ADAM11: variants seen among roughly 807,000 people sequenced by gnomAD.
The protein encoded by ADAM11 is disintegrin and metalloproteinase domain-containing protein 11.
In ADAM11, 49 loss-of-function variants were observed where a neutral mutation model predicts 119.1. The observed-to-expected ratio is 0.41, with a 90% CI of 0.33 to 0.52. The LOEUF is 0.52. Among genes scored for constraint, ADAM11 ranks in the 20% least tolerant of loss-of-function variants. The pLI is 0.20. For missense variants in ADAM11, 777 were observed against 1,047.5 expected (o/e 0.74, Z 3.56); for synonymous variants, 364 against 408.0 (o/e 0.89, Z 1.30).
chr17:44,761,080 G>T (rs1373767726), intron 2 of ADAM11, among the ~76,000 whole-genome samples: 1 of 152,104 alleles, frequency 6.6e-6, no homozygotes, highest in African/African-American at 2.4e-5. Flanking sequence ...CTCCCTGGGA[G>T]GTGTGCAGTC....
intron 2 of ADAM11, 28 bp downstream of exon 2, chr17:44,759,925 G>C (rs1203479368): frequency 7.9e-7 from 1 of 1,265,016 alleles, no homozygotes; most frequent in African/African-American, 1.5e-5. Flanking sequence ...GTGAGGCCAG[G>C]GGCTGAAGCA....
chr17:44,780,011 C>T lies in ADAM11; in HGVS notation c.*257C>T, dbSNP rs1263587647. 12 of 701,144 alleles carry T rather than the reference C, an allele frequency of 1.7e-5. No homozygotes were observed. Among genetic ancestry groups the T allele is most frequent in the South Asian group, 9.0e-5 (6 of 66,838 alleles). 43.4% of individuals were successfully genotyped at this position (701,144 alleles called of 1,614,324 possible). The stretch of plus-strand genomic sequence containing the variant: ...GCTCAGCCTTGCACACCCACTGCCC[C>T]GTGTGAATGTAGCTTCCACCTCATG... On this transcript the variant is annotated 3_prime_UTR_variant, in exon 27 of 27. Coordinates refer to ENST00000200557, the MANE Select transcript of ADAM11 (RefSeq NM_002390.6).
chr17:44,772,436 A>G lies in ADAM11; in HGVS notation c.648A>G (p.Pro216=). The G allele has an allele frequency of 6.3e-7, 1 of 1,576,836 alleles. No homozygotes were observed. The highest frequency in any genetic ancestry group is 8.6e-7 in the Non-Finnish European group (1 of 1,160,840). ...LFAVPAQSAP[P]NRPRLRRKRQ... ...CTGTGCCTGCCCAGTCGGCTCCTCC[A>G]AACCGGCCGAGGCTGAGAAGGAAAA... Residue 216 remains proline, a synonymous_variant, in exon 8 of 27, where the codon CCA becomes CCG. Coordinates refer to ENST00000200557, the MANE Select transcript of ADAM11 (RefSeq NM_002390.6). The surrounding 1 kb of genome is among the most constrained non-coding windows in gnomAD (Gnocchi z 4.5).
At chr17:44,779,098 C>A in intron 25 of ADAM11, 124 bp from the exon 26 acceptor site, 1 of 1,285,362 alleles carries the variant, frequency 7.8e-7, no homozygotes. Context: ...AGTGTCCAGG[C>A]CCCGGGGACC....
rs1452133714 is a variant in ADAM11, at chr17:44,779,428, T to TGCCCTC, written c.2294+200_2294+205dup. The TGCCCTC allele has an allele frequency of 1.5e-4, 150 of 985,384 alleles. No homozygotes were observed. In the African/African-American group the frequency reaches 2.3e-3, roughly 15 times the overall value. The allele number at this position is 985,384 out of a possible 1,614,324, so 61.0% of individuals were successfully genotyped here. Reference sequence around the variant, plus strand: ...CTCGCTCAGGGAAGAAGGTCCCAGCTGCCCTCGCCCTCGCCCGCTCAGGCC... The same window carrying TGCCCTC: ...CTCGCTCAGGGAAGAAGGTCCCAGCTGCCCTCGCCCTCGCCCTCGCCCGCTCAGGCC... On this transcript the variant is annotated intron_variant, in intron 26 of 26. Transcript: ENST00000200557.
chr17:44,772,865 G>A lies in ADAM11; in HGVS notation c.687G>A (p.Arg229=). 2 of 1,613,750 alleles carry A rather than the reference G, an allele frequency of 1.2e-6. No homozygotes were observed. The highest frequency in any genetic ancestry group is 2.7e-5 in the African/African-American group (2 of 75,014). The change falls in exon 9 of 27, where the codon CGG becomes CGA. Residue 229 remains arginine (R), a synonymous_variant. Coordinates refer to ENST00000200557, the MANE Select transcript of ADAM11 (RefSeq NM_002390.6). The surrounding 1 kb of genome is among the most constrained non-coding windows in gnomAD (Gnocchi z 4.5). ...PRLRRKRQVR[R]GHPTVHSETK... ...GCCCACCCACCCCCCAGGTCCGCCG[G>A]GGCCACCCTACAGTGCACAGTGAAA...
Position 44,775,122 on chromosome 17 carries a change from G to A in ADAM11, c.1221-90G>A. The A allele has an allele frequency of 1.8e-6, 2 of 1,105,424 alleles. No individual in the cohort carries two copies. The highest frequency in any genetic ancestry group is 2.7e-6 in the Non-Finnish European group (2 of 740,670). 68.5% of individuals were successfully genotyped at this position (1,105,424 alleles called of 1,614,324 possible). ...TCCGCCTCCTCGCGATGGTGACGAA[G>A]TCCCCCAGTGTACCCCCTCCCCAGC... On this transcript the variant is annotated intron_variant, in intron 14 of 26. Coordinates refer to ENST00000200557, the MANE Select transcript of ADAM11 (RefSeq NM_002390.6). This position sits in a 1 kb window ranked among gnomAD's most constrained non-coding sequence, Gnocchi z 7.5.
chr17:44,779,134 C>T (rs1247255404), intron 25 of ADAM11, 88 bp from the exon 26 acceptor site: 9 of 1,518,716 alleles, frequency 5.9e-6, no homozygotes, highest in African/African-American at 1.4e-5. Context: ...GGCAAGGGGT[C>T]GCATGGCAGC....
intron 2 of ADAM11, among the ~76,000 whole-genome samples, chr17:44,766,628 G>A (rs1026691173): frequency 1.3e-5 from 2 of 152,176 alleles, no homozygotes; most frequent in Non-Finnish European, 2.9e-5. Context: ...CCATGACCCT[G>A]GGCCAGTCAC....
At position 44,778,227 on chromosome 17, in the gene ADAM11, C is replaced by T. The variant is rs762803709; in HGVS notation, c.2261C>T (p.Thr754Met). The T allele has an allele frequency of 4.3e-6, 7 of 1,612,974 alleles. No individual in the cohort carries two copies. Among genetic ancestry groups the T allele is most frequent in the Admixed American group, 1.7e-5 (1 of 59,844 alleles). Reference sequence around the variant, plus strand: ...GTTGCAGCCATCGTCCTGGGCGGCACGGGCTGGGGATTTAAGTAAGAGACA... The same window carrying T: ...GTTGCAGCCATCGTCCTGGGCGGCATGGGCTGGGGATTTAAGTAAGAGACA... ...VLVAAIVLGGTGWGFKNIRRG... is the reference protein window; with the variant it reads ...VLVAAIVLGGMGWGFKNIRRG... The change falls in exon 25 of 27, where the codon ACG becomes ATG. Residue 754 changes from threonine to methionine, a missense_variant. Physicochemically the swap from Thr to Met is moderately conservative, Grantham distance 81. Transcript: ENST00000200557.
In ADAM11 at chr17:44,775,365, C is replaced by T. The variant is rs772195845; in HGVS notation, c.1321-29C>T. 3 of 1,612,992 alleles carry T rather than the reference C, an allele frequency of 1.9e-6. No individual in the cohort carries two copies. ...AGCGGGCCCTGGGCGGGGTCCGGGC[C>T]AGACTCCCGACCTGTCCTCCCGGTC... is the stretch of plus-strand genomic sequence containing the variant. On this transcript the variant is annotated intron_variant, in intron 15 of 26. Transcript: ENST00000200557. The surrounding 1 kb of genome is among the most constrained non-coding windows in gnomAD (Gnocchi z 7.5).
At chr17:44,764,934 C>T (rs768098349) in intron 2 of ADAM11, among the ~76,000 whole-genome samples, 3 of 151,854 alleles carry the variant, frequency 2.0e-5, no homozygotes, top group Non-Finnish European at 4.4e-5. Context: ...TTGTCAGGCT[C>T]GGGGTGGGGT....
chr17:44,759,330 T>C, intron 1 of ADAM11, 70 bp downstream of exon 1: 1 of 1,327,622 alleles, frequency 7.5e-7, no homozygotes, highest in Non-Finnish European at 9.6e-7. Flanking sequence ...CGCTTGCTGC[T>C]GCAGCCACCT....
In ADAM11 at chr17:44,774,737, TGGA is replaced by T; in HGVS notation, c.1212_1214del (p.Glu404del). On this transcript the variant is annotated inframe_deletion, in exon 14 of 27. Transcript: ENST00000200557. ...CCAGACATCTGGCTGGGCTGCATCA[TGGA>T]GGACACTGGGTGAGTTCTTGGGGAC... 6.3e-7 allele frequency: 1 copy of T among 1,592,016 alleles called. No individual in the cohort carries two copies. Among genetic ancestry groups the T allele is most frequent in the Non-Finnish European group, 8.5e-7 (1 of 1,174,036 alleles).
At position 44,778,181 on chromosome 17, in the gene ADAM11, T is replaced by G; in HGVS notation, c.2215T>G (p.Ser739Ala). 1 of 1,613,754 alleles carries G rather than the reference T, an allele frequency of 6.2e-7. No individual in the cohort carries two copies. The highest frequency in any genetic ancestry group is 8.5e-7 in the Non-Finnish European group (1 of 1,179,848). The change falls in exon 25 of 27, where the codon TCC becomes GCC. Residue 739 changes from serine to alanine, a missense_variant. By Grantham distance (99) the Ser-to-Ala change is moderately conservative. Coordinates refer to ENST00000200557, the MANE Select transcript of ADAM11 (RefSeq NM_002390.6). ...CAGCGGCACCAACATCATCATTGGC[T>G]CCATTGCTGGGGCTGTCCTGGTTGC... is the stretch of plus-strand genomic sequence containing the variant. The part of the protein sequence containing the change: ...GPSGTNIIIG[S>A]IAGAVLVAAI...
chr17:44,761,936 C>A (rs1335479754), intron 2 of ADAM11, among the ~76,000 whole-genome samples: 1 of 152,172 alleles, frequency 6.6e-6, no homozygotes, highest in Non-Finnish European at 1.5e-5. Flanking sequence ...AATTCTACTG[C>A]CTCAGCCTCC....
intron 2 of ADAM11, among the ~76,000 whole-genome samples, chr17:44,766,282 G>A (rs1032674078): frequency 1.3e-5 from 2 of 152,300 alleles, no homozygotes; most frequent in African/African-American, 2.4e-5. Context: ...CTCCCTTCTC[G>A]AATTTCCTGG....
rs766830165 is a variant in ADAM11, at chr17:44,771,777, C to A, written c.489C>A (p.Asn163Lys). The part of the protein sequence containing the change: ...QGLHGVFSDG[N>K]LTYIVEPQEV... ...ACAGTGGGGTCTTCTCTGATGGGAA[C>A]TTGACTTACATCGTGGAGCCCCAAG... The change falls in exon 6 of 27, where the codon AAC becomes AAA. Residue 163 changes from asparagine to lysine, a missense_variant. This residue lies in a region of ADAM11 where 278 missense variants were observed against 310.1 expected (regional missense o/e 0.90). Coordinates refer to ENST00000200557, the MANE Select transcript of ADAM11 (RefSeq NM_002390.6). 1 of 1,613,684 alleles carries A rather than the reference C, an allele frequency of 6.2e-7. No individual in the cohort carries two copies. The highest frequency in any genetic ancestry group is 1.7e-5 in the Admixed American group (1 of 59,980).
At position 44,772,579 on chromosome 17, in the gene ADAM11, C is replaced by A; in HGVS notation, c.678+113C>A. 7.4e-7 allele frequency: 1 copy of A among 1,349,902 alleles called. No homozygotes were observed. The highest frequency in any genetic ancestry group is 1.0e-6 in the Non-Finnish European group (1 of 988,644). 83.6% of individuals were successfully genotyped at this position (1,349,902 alleles called of 1,614,324 possible). A position where few individuals can be genotyped will look rare whatever the true frequency, so the allele number is the denominator to read the frequency against. On this transcript the variant is annotated intron_variant, in intron 8 of 26. Transcript: ENST00000200557. The surrounding 1 kb of genome is among the most constrained non-coding windows in gnomAD (Gnocchi z 4.5). ...CATCTATGGCTGGGGCGAAGGAAGG[C>A]TCAGATGGATGTGGCTGGGGGCCAG... is the stretch of plus-strand genomic sequence containing the variant.
Sources: gnomAD v4.1 joint callset for allele counts (sites outside exome capture counted in the v4.1 genomes callset) on GRCh38, gnomAD v4.1.1 for gene constraint, gnomAD v4.1.1 regional missense constraint, Gnocchi (gnomAD v3.1) non-coding constraint, MANE v1.5 for transcripts, NCBI Gene and HGNC (gene_info 2026-07-23, HGNC 2026-07-21) for gene names.